CTNNA2: variants seen among roughly 807,000 people sequenced by gnomAD.
CTNNA2 encodes catenin alpha-2.
Under a neutral mutation model 101.0 loss-of-function variants are expected in CTNNA2, and 42 were observed. That is an observed-to-expected ratio of 0.42 (90% CI 0.32 to 0.54). The LOEUF (loss-of-function observed/expected upper bound fraction) is 0.54, where lower values mean the gene tolerates loss of function less well. CTNNA2 is among the 20% of genes least tolerant of loss of function. The probability of loss-of-function intolerance (pLI) is 0.14; values close to 1 mark genes in which losing one functional copy is unlikely to be tolerated. For missense variants in CTNNA2, 871 were observed against 1,223.1 expected (o/e 0.71, Z 4.29); for synonymous variants, 450 against 456.4 (o/e 0.99, Z 0.18).
At chr2:80,286,505 T>A (rs543503646) in intron 7 of CTNNA2, among the ~76,000 whole-genome samples, 12 of 152,332 alleles carry the variant, frequency 7.9e-5, no homozygotes, top group Non-Finnish European at 1.3e-4. Context: ...ATGAAGTAGC[T>A]ACTTATAAAA....
intron 9 of CTNNA2, among the ~76,000 whole-genome samples, chr2:80,437,328 C>A (rs544516719): frequency 6.6e-6 from 1 of 152,082 alleles, no homozygotes; most frequent in Non-Finnish European, 1.5e-5. Context: ...TAAGATCAGG[C>A]CTTAGGGATG....
chr2:80,238,602 T>C (rs577472741), intron 7 of CTNNA2, among the ~76,000 whole-genome samples: 3 of 152,176 alleles, frequency 2.0e-5, no homozygotes, highest in African/African-American at 7.2e-5. Context: ...AATAAGAACA[T>C]GAAACAGTTC....
At chr2:80,326,812 A>G (rs1670846013) in intron 7 of CTNNA2, among the ~76,000 whole-genome samples, 1 of 151,116 alleles carries the variant, frequency 6.6e-6, no homozygotes, top group Non-Finnish European at 1.5e-5. Context: ...GTTACTGGCT[A>G]AAAAAAAAGA....
chr2:80,628,489 T>C (rs993953664), intron 18 of CTNNA2, among the ~76,000 whole-genome samples: 4 of 151,144 alleles, frequency 2.6e-5, no homozygotes, highest in East Asian at 4.0e-4. Flanking sequence ...CCCAACACTA[T>C]TTATTAATAA....
At chr2:79,521,318 C>T (rs11690044) in intron 1 of CTNNA2, among the ~76,000 whole-genome samples, 10,746 of 151,890 alleles carry the variant, frequency 0.071, 523 homozygotes, top group Non-Finnish European at 0.1. Context: ...TGTGCTCAGT[C>T]TGCATGTTGA....
chr2:80,459,510 ATT>A (rs1684253162), intron 9 of CTNNA2, among the ~76,000 whole-genome samples: 1 of 152,162 alleles, frequency 6.6e-6, no homozygotes, highest in South Asian at 2.1e-4. Context: ...TCTTAAGGTG[ATT>A]GCACAGATAA....
intron 4 of CTNNA2, among the ~76,000 whole-genome samples, chr2:79,484,894 C>G (rs1326678387): frequency 5.3e-5 from 8 of 152,134 alleles, no homozygotes; most frequent in Admixed American, 5.2e-4. Flanking sequence ...ACAGAAATTT[C>G]TTGTCCAAAT....
intron 14 of CTNNA2, among the ~76,000 whole-genome samples, chr2:80,588,230 T>A (rs974027516): frequency 6.6e-6 from 1 of 152,238 alleles, no homozygotes; most frequent in African/African-American, 2.4e-5. Context: ...CATGCCCGCC[T>A]TCTCGTGCTC....
At chr2:80,211,615 T>C (rs1459566999) in intron 7 of CTNNA2, among the ~76,000 whole-genome samples, 1 of 152,240 alleles carries the variant, frequency 6.6e-6, no homozygotes, top group African/African-American at 2.4e-5. Flanking sequence ...TTTTGGTTAC[T>C]GTAGCCTTGT....
chr2:80,624,256 A>G (rs1671442193), intron 18 of CTNNA2, among the ~76,000 whole-genome samples: 1 of 151,932 alleles, frequency 6.6e-6, no homozygotes, highest in Non-Finnish European at 1.5e-5. Flanking sequence ...AAAAACGTGT[A>G]TGTCAGCATT....
Position 79,962,984 on chromosome 2 carries a change from C to T in CTNNA2, c.1056+53187C>T, listed in dbSNP as rs894968464. On this transcript the variant is annotated intron_variant, in intron 7 of 18. Transcript: ENST00000402739. The stretch of plus-strand genomic sequence containing the variant: ...TACTTGGGAGGCTGAGGCAGGAGAA[C>T]GGTGTGAACCCGGGAGGCGGAACTT... Among the ~76,000 whole-genome samples, 8 of 140,550 alleles carry T rather than the reference C, an allele frequency of 5.7e-5. No individual in the cohort carries two copies. The East Asian group carries it at 8.4e-4, about 15-fold the overall frequency. The allele number at this position is 140,550 out of a possible 152,430, so 92.2% of individuals were successfully genotyped here.
chr2:79,408,779 T>G (rs1360899292), intron 4 of CTNNA2, among the ~76,000 whole-genome samples: 1 of 152,064 alleles, frequency 6.6e-6, no homozygotes, highest in Non-Finnish European at 1.5e-5. Context: ...TGTGTCTTTA[T>G]AGCAGCATGA....
At chr2:80,152,131 A>G (rs549239500) in intron 7 of CTNNA2, among the ~76,000 whole-genome samples, 67 of 152,324 alleles carry the variant, frequency 4.4e-4, no homozygotes, top group African/African-American at 1.6e-3. Context: ...GGATATGTAT[A>G]TATATTTCAT....
intron 7 of CTNNA2, among the ~76,000 whole-genome samples, chr2:80,315,965 G>C (rs1678083140): frequency 6.6e-6 from 1 of 152,138 alleles, no homozygotes; most frequent in Non-Finnish European, 1.5e-5. Flanking sequence ...TAACAAATCG[G>C]AATCTACATT....
intron 1 of CTNNA2, among the ~76,000 whole-genome samples, chr2:79,636,490 A>G (rs1181969313): frequency 6.6e-6 from 1 of 151,936 alleles, no homozygotes; most frequent in African/African-American, 2.4e-5. Flanking sequence ...TTGAGAGGGT[A>G]CAAGAAGACC....
chr2:80,391,532 A>G (rs964164175), intron 7 of CTNNA2, among the ~76,000 whole-genome samples: 3 of 152,196 alleles, frequency 2.0e-5, no homozygotes, highest in African/African-American at 7.2e-5. Context: ...GCCACAGGAA[A>G]TTATGATTTT....
chr2:79,613,674 C>T (rs1678438008), intron 1 of CTNNA2, among the ~76,000 whole-genome samples: 1 of 151,792 alleles, frequency 6.6e-6, no homozygotes, highest in African/African-American at 2.4e-5. Flanking sequence ...ATTCTTTTTT[C>T]AACAATTTGT....
intron 4 of CTNNA2, among the ~76,000 whole-genome samples, chr2:79,387,588 C>G (rs1390491205): frequency 6.6e-6 from 1 of 152,176 alleles, no homozygotes; most frequent in African/African-American, 2.4e-5. Context: ...AGGAAGCACC[C>G]TACTCATAGT....
intron 4 of CTNNA2, among the ~76,000 whole-genome samples, chr2:79,431,051 T>C (rs890871952): frequency 3.9e-5 from 6 of 152,132 alleles, no homozygotes; most frequent in Non-Finnish European, 5.9e-5. Flanking sequence ...AATGACCAAC[T>C]TGTCCCCATA....
Sources: allele counts gnomAD v4.1 joint callset (sites outside exome capture counted in the v4.1 genomes callset), GRCh38; gene constraint gnomAD v4.1.1; transcripts MANE v1.5; gene names NCBI Gene and HGNC (gene_info 2026-07-23, HGNC 2026-07-21).